Variants in TGDS observed in about 807,000 individuals in gnomAD.
TGDS encodes the protein UDP-D-glucose 4,6-dehydratase.
Under a neutral mutation model 52.3 loss-of-function variants are expected in TGDS, and 47 were observed. The observed-to-expected ratio is 0.90, with a 90% CI of 0.71 to 1.15. TGDS has a LOEUF of 1.15. Ranked by LOEUF, TGDS falls within the 50% of genes most tolerant of loss-of-function variation. The probability of loss-of-function intolerance (pLI) is 0.00; values close to 1 mark genes in which losing one functional copy is unlikely to be tolerated. For synonymous variants in TGDS, 115 were observed against 136.9 expected (o/e 0.84, Z 1.12); for missense variants, 375 against 418.4 (o/e 0.90, Z 0.90).
In TGDS at chr13:94,578,789, A is replaced by C; in HGVS notation, c.616-16T>G. The C allele has an allele frequency of 6.9e-7, 1 of 1,444,466 alleles. No individual in the cohort carries two copies. The highest frequency in any genetic ancestry group is 9.7e-7 in the Non-Finnish European group (1 of 1,033,786). 89.5% of individuals were successfully genotyped at this position (1,444,466 alleles called of 1,614,324 possible). On this transcript the variant is annotated splice_polypyrimidine_tract_variant and intron_variant, in intron 7 of 11. Transcript: ENST00000261296. ...TTGGAATAACCTAAAAGAATATTTA[A>C]ATATCATTTCAGACTGGATATTTAC...
intron 7 of TGDS, 56 bp from the exon 8 acceptor site, chr13:94,578,829 C>G (rs923339554): frequency 9.3e-7 from 1 of 1,069,710 alleles, no homozygotes; most frequent in Non-Finnish European, 1.4e-6. Context: ...TAGTATGAAT[C>G]TGAACTCATA....
chr13:94,582,942 T>C, intron 5 of TGDS, 152 bp downstream of exon 5: 1 of 674,348 alleles, frequency 1.5e-6, no homozygotes, highest in Non-Finnish European at 2.4e-6. Context: ...ATATCTATTC[T>C]ATTAGTTGTG....
At chr13:94,577,643 CTCTT>C (rs1888645604) in intron 9 of TGDS, among the ~76,000 whole-genome samples, 2 of 152,124 alleles carry the variant, frequency 1.3e-5, no homozygotes, top group African/African-American at 2.4e-5. Context: ...TATTCAGTTC[CTCTT>C]TCTATTAAAC....
chr13:94,581,526 T>G (rs116733159), intron 5 of TGDS, among the ~76,000 whole-genome samples: 2,174 of 152,328 alleles, frequency 0.014, 55 homozygotes, highest in African/African-American at 0.05. Context: ...AAACAATGAC[T>G]GATTTTGAGC....
At chr13:94,585,192 G>C (rs1030432142) in intron 4 of TGDS, among the ~76,000 whole-genome samples, 4 of 151,904 alleles carry the variant, frequency 2.6e-5, no homozygotes, top group South Asian at 4.2e-4. Context: ...TGGGGTTACA[G>C]GTGCCCACTA....
Position 94,590,860 on chromosome 13 carries a change from T to C in TGDS, c.306A>G (p.Thr102=). 6.4e-7 allele frequency: 1 copy of C among 1,568,974 alleles called. No individual in the cohort carries two copies. Among genetic ancestry groups the C allele is most frequent in the Non-Finnish European group, 8.6e-7 (1 of 1,166,210 alleles). ...ACATAAAACAATGCTTACCTACATG[T>C]GTTTGTGCGGCAAAATGTAGTACTA... ...IDIVLHFAAQ[T]HVDLSFVRAF... The change falls in exon 4 of 12, where the codon ACA becomes ACG. Residue 102 remains threonine, a synonymous_variant. Transcript: ENST00000261296.
chr13:94,596,201 C>T, upstream of TGDS: 3 of 1,542,918 alleles, frequency 1.9e-6, no homozygotes, highest in Non-Finnish European at 2.6e-6. Context: ...GAAGTTCCGC[C>T]GCGACCTTTT....
At chr13:94,592,911 C>A (rs1377804575) in intron 2 of TGDS, among the ~76,000 whole-genome samples, 1 of 151,996 alleles carries the variant, frequency 6.6e-6, no homozygotes, top group African/African-American at 2.4e-5. Context: ...AATCCCAGCA[C>A]TTTGGGAGAC....
intron 4 of TGDS, among the ~76,000 whole-genome samples, chr13:94,587,800 G>A (rs9516434): frequency 0.69 from 105,009 of 151,124 alleles, 37,065 homozygotes; most frequent in African/African-American, 0.82. Context: ...GATCGAGACC[G>A]TCCTGGCTAA....
rs202033175 is a variant in TGDS, at chr13:94,589,468, C to A, written c.313+1385G>T. 2.0e-5 allele frequency among the ~76,000 whole-genome samples: 3 copies of A among 152,162 alleles called. No individual in the cohort carries two copies. The East Asian group carries it at 5.8e-4, about 29-fold the overall frequency. On this transcript the variant is annotated intron_variant, in intron 4 of 11. Transcript: ENST00000261296. Reference sequence around the variant, plus strand: ...TAGTTGGGACTACAGGCGCCTGTCACCACGCCCGGCTAATTTTTTGTACTT... The same window carrying A: ...TAGTTGGGACTACAGGCGCCTGTCAACACGCCCGGCTAATTTTTTGTACTT...
rs995653442 is a variant in TGDS, at chr13:94,575,787, T to C, written c.982+527A>G. On this transcript the variant is annotated intron_variant, in intron 11 of 11. Coordinates refer to ENST00000261296, the MANE Select transcript of TGDS (RefSeq NM_014305.4). ...CTTTTCTCATGAATACATTTCTAAA[T>C]ACAGCTTTAACATGTATACACAGAC... Among the ~76,000 whole-genome samples the C allele has an allele frequency of 3.3e-5, 5 of 152,168 alleles. No homozygotes were observed. The South Asian group carries it at 6.2e-4, about 19-fold the overall frequency.
At chr13:94,594,721 C>T (rs145030284) in intron 1 of TGDS, among the ~76,000 whole-genome samples, 83 of 152,314 alleles carry the variant, frequency 5.4e-4, no homozygotes, top group African/African-American at 1.8e-3. Context: ...AGTCCTCTTT[C>T]TCATTAAGTG....
chr13:94,592,490 T>C (rs896123433), intron 2 of TGDS, among the ~76,000 whole-genome samples, 181 bp from the exon 3 acceptor site: 5 of 152,188 alleles, frequency 3.3e-5, no homozygotes, highest in South Asian at 2.1e-4. Flanking sequence ...TCTCACTCTG[T>C]TGCCCAGGCT....
At chr13:94,596,235 A>C (rs1294111365), upstream of TGDS, 3 of 1,316,732 alleles carry the variant, frequency 2.3e-6, no homozygotes, top group Non-Finnish European at 3.1e-6. Flanking sequence ...CTCGCGGGAC[A>C]CGTTAACAGA....
At chr13:94,585,073 T>TC (rs1555342676) in intron 4 of TGDS, among the ~76,000 whole-genome samples, 1 of 151,114 alleles carries the variant, frequency 6.6e-6, no homozygotes, top group African/African-American at 2.4e-5. Context: ...TTTTTTTTTT[T>TC]CTCTCTCTCT....
chr13:94,593,454 T>C (rs576253366), intron 2 of TGDS, among the ~76,000 whole-genome samples: 1 of 152,204 alleles, frequency 6.6e-6, no homozygotes, highest in South Asian at 2.1e-4. Context: ...AACATCACCA[T>C]ATGCCCCATA....
In TGDS at chr13:94,577,439, T is replaced by C; in HGVS notation, c.826-10A>G. 2.6e-6 allele frequency: 4 copies of C among 1,552,424 alleles called. No homozygotes were observed. Among genetic ancestry groups the C allele is most frequent in the Non-Finnish European group, 3.5e-6 (4 of 1,158,080 alleles). On this transcript the variant is annotated splice_polypyrimidine_tract_variant and intron_variant, in intron 9 of 11. Coordinates refer to ENST00000261296, the MANE Select transcript of TGDS (RefSeq NM_014305.4). ...AATTGGTCTCTTTGATCTGTCAAAA[T>C]GGAAAAAGCTTTTGAGTCAAATTAT...
intron 4 of TGDS, among the ~76,000 whole-genome samples, chr13:94,588,514 A>G (rs971003573): frequency 1.3e-5 from 2 of 152,012 alleles, no homozygotes; most frequent in Admixed American, 1.3e-4. Context: ...TCCAAAATAC[A>G]TAAAGGACTT....
In TGDS at chr13:94,596,059, A is replaced by G; in HGVS notation, c.78T>C (p.Ala26=). 1.9e-6 allele frequency: 3 copies of G among 1,614,062 alleles called. No individual in the cohort carries two copies. The highest frequency in any genetic ancestry group is 2.5e-6 in the Non-Finnish European group (3 of 1,179,970). ...GCGGCGCCATTACCTACATGAAACCAGCACCGCCGGTCACCAGGACCCGCT... is the reference window on the plus strand; with the variant it reads ...GCGGCGCCATTACCTACATGAAACCGGCACCGCCGGTCACCAGGACCCGCT... ...FAKRVLVTGG[A]GFIASHMIVS... is the part of the protein sequence containing the mutation. The change falls in exon 1 of 12, where the codon GCT becomes GCC. Residue 26 remains alanine (A), a synonymous_variant. Coordinates refer to ENST00000261296, the MANE Select transcript of TGDS (RefSeq NM_014305.4).
Sources: allele counts gnomAD v4.1 joint callset (sites outside exome capture counted in the v4.1 genomes callset), GRCh38; gene constraint gnomAD v4.1.1; transcripts MANE v1.5; gene names NCBI Gene and HGNC (gene_info 2026-07-23, HGNC 2026-07-21).